Variants in SLC9A4 observed in about 807,000 individuals in gnomAD.
The protein encoded by SLC9A4 is sodium/hydrogen exchanger 4.
A neutral mutation model predicts 67.4 loss-of-function variants in SLC9A4; 63 were observed. The observed-to-expected ratio is 0.93, with a 90% confidence interval of 0.76 to 1.15. The LOEUF is 1.15. Among genes scored for constraint, SLC9A4 ranks in the 50% most tolerant of loss-of-function variants. The pLI, the probability that SLC9A4 is intolerant of heterozygous loss-of-function variation, is 0.00. For synonymous variants in SLC9A4, 393 were observed against 367.2 expected (o/e 1.07, Z -0.80); for missense variants, 1,089 against 987.7 (o/e 1.10, Z -1.38).
chr2:102,531,334 A>T (rs181695303), intron 11 of SLC9A4, among the ~76,000 whole-genome samples: 1 of 152,274 alleles, frequency 6.6e-6, no homozygotes, highest in Admixed American at 6.5e-5. Flanking sequence ...TATGTGAGAA[A>T]TATTCCTTTG....
intron 1 of SLC9A4, 25 bp from the exon 2 acceptor site, chr2:102,478,814 C>G (rs372329034): frequency 3.5e-5 from 56 of 1,605,740 alleles, no homozygotes; most frequent in Non-Finnish European, 3.6e-5. Flanking sequence ...TTGCAAGCAC[C>G]TAACTGCTCT....
At chr2:102,484,766 T>C (rs1684549717) in intron 2 of SLC9A4, among the ~76,000 whole-genome samples, 1 of 152,112 alleles carries the variant, frequency 6.6e-6, no homozygotes, top group Non-Finnish European at 1.5e-5. Context: ...CTCCTCTACC[T>C]CATCAGAGAG....
rs143692680 is a variant in SLC9A4 at position 102,479,282 on chromosome 2, C to T, written c.700C>T (p.Leu234Phe). Residue 234 changes from leucine (L) to phenylalanine (F), a missense_variant, in exon 2 of 12, where the codon CTC becomes TTC. Leu to Phe is a conservative substitution (Grantham distance 22). Coordinates refer to ENST00000295269, the MANE Select transcript of SLC9A4 (RefSeq NM_001011552.4). ...CATGATGATCTTTGGGGAGGCCCTGCTCAATGATGGCATTACTGTGGTGAG... is the reference window on the plus strand; with the variant it reads ...CATGATGATCTTTGGGGAGGCCCTGTTCAATGATGGCATTACTGTGGTGAG... ...LYMMIFGEAL[L>F]NDGITVVLYN... The T allele has an allele frequency of 1.2e-6, 2 of 1,611,322 alleles. No homozygotes were observed. The highest frequency in any genetic ancestry group is 1.7e-6 in the Non-Finnish European group (2 of 1,179,054).
chr2:102,514,277 A>C, intron 8 of SLC9A4, 26 bp downstream of exon 8: 1 of 1,555,760 alleles, frequency 6.4e-7, no homozygotes, highest in Non-Finnish European at 8.8e-7. Context: ...TCTTTGTTCT[A>C]AACTTTCACT....
intron 2 of SLC9A4, among the ~76,000 whole-genome samples, chr2:102,480,617 T>C (rs1287991770): frequency 1.3e-5 from 2 of 152,268 alleles, no homozygotes; most frequent in African/African-American, 4.8e-5. Flanking sequence ...TTTTTCTGCA[T>C]GCCTCTCTCT....
rs1685179166 is a variant in SLC9A4, at chr2:102,512,223, T to C, written c.1509T>C (p.Ala503=). The change falls in exon 7 of 12, where the codon GCT becomes GCC. Residue 503 remains alanine, a synonymous_variant. Transcript: ENST00000295269. ...LHIRLMDHLK[A]GIEDVCGHWS... is the part of the protein sequence containing the mutation. ...GGCAGCTGATGGATCACTTAAAGGC[T>C]GGAATCGAAGATGTGTGTGGGCACT... The C allele has an allele frequency of 1.2e-6, 2 of 1,613,980 alleles. No individual in the cohort carries two copies. Among genetic ancestry groups the C allele is most frequent in the Non-Finnish European group, 1.7e-6 (2 of 1,180,000 alleles).
chr2:102,489,657 G>A (rs753725515), intron 2 of SLC9A4, among the ~76,000 whole-genome samples: 3 of 152,114 alleles, frequency 2.0e-5, no homozygotes, highest in Non-Finnish European at 4.4e-5. Context: ...CACCAGCTTG[G>A]CCTCTGTTCG....
At chr2:102,501,694 G>A (rs144961075) in intron 2 of SLC9A4, among the ~76,000 whole-genome samples, 9 of 152,090 alleles carry the variant, frequency 5.9e-5, no homozygotes, top group African/African-American at 2.2e-4. Flanking sequence ...CAAGGGGTTG[G>A]TGTGCACACA....
In SLC9A4 at chr2:102,491,317, C is replaced by CTTT. The variant is rs61708027; in HGVS notation, c.720+12048_720+12050dup. 3.5e-4 allele frequency among the ~76,000 whole-genome samples: 16 copies of CTTT among 45,764 alleles called. 2 individuals are homozygous for CTTT. Among genetic ancestry groups the CTTT allele is most frequent in the East Asian group, 2.7e-3 (3 of 1,092 alleles). The allele number at this position is 45,764 out of a possible 152,430, so 30.0% of individuals were successfully genotyped here. Reference sequence around the variant, plus strand: ...ATTTCTCTTCCCATTTGTACTAATGCTTTTTTTTTTTTTTTTTTTTTTTTT... The same window carrying CTTT: ...ATTTCTCTTCCCATTTGTACTAATGCTTTTTTTTTTTTTTTTTTTTTTTTTTTT... On this transcript the variant is annotated intron_variant, in intron 2 of 11. Coordinates refer to ENST00000295269, the MANE Select transcript of SLC9A4 (RefSeq NM_001011552.4).
At chr2:102,532,224 T>C (rs1300675700) in intron 11 of SLC9A4, 106 bp from the exon 12 acceptor site, 2 of 1,292,994 alleles carry the variant, frequency 1.5e-6, no homozygotes. Context: ...AGCTGAAACC[T>C]CAGGAAGAGC....
At chr2:102,513,505 G>C (rs1299483575) in intron 7 of SLC9A4, among the ~76,000 whole-genome samples, 1 of 152,158 alleles carries the variant, frequency 6.6e-6, no homozygotes, top group Non-Finnish European at 1.5e-5. Context: ...AATAGTCAGC[G>C]GCCATCAGTC....
In SLC9A4 at chr2:102,508,092, C is replaced by T. The variant is rs1443263645; in HGVS notation, c.1212C>T (p.Leu404=). The T allele has an allele frequency of 1.9e-6, 3 of 1,614,156 alleles. No homozygotes were observed. The South Asian group carries it at 3.3e-5, about 18-fold the overall frequency. ...CCCCCTTTCTAGGCGTATTTGCTCT[C>T]TTCTATATCAGTAACCAGTTTCGGA... The part of the protein sequence containing the change: ...QIWRAISVFA[L]FYISNQFRTF... Residue 404 remains leucine, a synonymous_variant, in exon 5 of 12, where the codon CTC becomes CTT. Transcript: ENST00000295269.
intron 7 of SLC9A4, 58 bp from the exon 8 acceptor site, chr2:102,514,032 A>G: frequency 1.9e-6 from 3 of 1,561,408 alleles, no homozygotes; most frequent in Non-Finnish European, 2.6e-6. Flanking sequence ...AGAAATGCAT[A>G]CTTAATGTAA....
intron 2 of SLC9A4, among the ~76,000 whole-genome samples, chr2:102,499,812 A>T (rs1022912793): frequency 3.3e-5 from 5 of 152,218 alleles, no homozygotes; most frequent in Admixed American, 6.5e-5. Context: ...GCACTAATTT[A>T]TACACTCAAA....
At chr2:102,519,219 G>A (rs539990145) in intron 8 of SLC9A4, among the ~76,000 whole-genome samples, 3 of 152,282 alleles carry the variant, frequency 2.0e-5, no homozygotes, top group African/African-American at 7.2e-5. Flanking sequence ...GGCTTTCATG[G>A]TATAAATGGT....
Position 102,473,890 on chromosome 2 carries a change from CTTGGT to C in SLC9A4, c.135_139del (p.Trp45CysfsTer15), listed in dbSNP as rs2104408761. On this transcript the variant is annotated frameshift_variant, in exon 1 of 12. Transcript: ENST00000295269. LOFTEE classifies it high-confidence loss of function. ...TCCACTGCTCAGTATGCATCTAACGCTTGGTTTGCTGCTGCCAGCTCAGAGCCAGA... is the reference window on the plus strand; with the variant it reads ...TCCACTGCTCAGTATGCATCTAACGCTTGCTGCTGCCAGCTCAGAGCCAGA... The C allele has an allele frequency of 6.2e-7, 1 of 1,614,114 alleles. No individual in the cohort carries two copies. The highest frequency in any genetic ancestry group is 2.2e-5 in the East Asian group (1 of 44,876).
chr2:102,474,973 T>C (rs1473030332), intron 1 of SLC9A4, among the ~76,000 whole-genome samples: 3 of 152,218 alleles, frequency 2.0e-5, no homozygotes, highest in Non-Finnish European at 4.4e-5. Context: ...AGTTACCTTC[T>C]GTGTGCTCTG....
At chr2:102,527,168 T>G (rs967566347) in intron 11 of SLC9A4, among the ~76,000 whole-genome samples, 2 of 152,166 alleles carry the variant, frequency 1.3e-5, no homozygotes, top group African/African-American at 2.4e-5. Flanking sequence ...GCAACCCTAA[T>G]GCCAAGGTAT....
chr2:102,478,764 T>C, intron 1 of SLC9A4, 75 bp from the exon 2 acceptor site: 1 of 1,446,006 alleles, frequency 6.9e-7, no homozygotes, highest in Admixed American at 2.0e-5. Flanking sequence ...TCCTGTCTGC[T>C]TGACTTTAAA....
Sources: allele counts gnomAD v4.1 joint callset (sites outside exome capture counted in the v4.1 genomes callset), GRCh38; gene constraint gnomAD v4.1.1; transcripts MANE v1.5; gene names NCBI Gene and HGNC (gene_info 2026-07-23, HGNC 2026-07-21).